Variants in CTNNA3 observed in about 807,000 individuals in gnomAD.
CTNNA3 encodes the protein catenin alpha 3.
Under a neutral mutation model 95.7 loss-of-function variants are expected in CTNNA3, and 76 were observed. That is an observed-to-expected ratio of 0.79 (90% CI 0.66 to 0.96). The LOEUF (loss-of-function observed/expected upper bound fraction) is 0.96, where lower values mean the gene tolerates loss of function less well. Ranked by LOEUF, CTNNA3 falls within the 40% of genes least tolerant of loss-of-function variation. The probability of loss-of-function intolerance (pLI) is 0.00; values close to 1 mark genes in which losing one functional copy is unlikely to be tolerated. For synonymous variants in CTNNA3, 431 were observed against 374.4 expected (o/e 1.15, Z -1.74); for missense variants, 1,191 against 1,089.8 (o/e 1.09, Z -1.31).
intron 7 of CTNNA3, among the ~76,000 whole-genome samples, chr10:66,937,599 G>A (rs1374301406): frequency 4.6e-5 from 7 of 152,084 alleles, no homozygotes; most frequent in African/African-American, 9.7e-5. Context: ...ATCTGGGCAC[G>A]TAGTTAATAC....
At chr10:65,951,291 C>T (rs1327049707) in intron 17 of CTNNA3, among the ~76,000 whole-genome samples, 1 of 152,064 alleles carries the variant, frequency 6.6e-6, no homozygotes, top group Non-Finnish European at 1.5e-5. Flanking sequence ...AGAATAAGAT[C>T]AGAGATTCTG....
At chr10:66,207,983 T>C (rs546271453) in intron 13 of CTNNA3, among the ~76,000 whole-genome samples, 9 of 152,236 alleles carry the variant, frequency 5.9e-5, no homozygotes, top group African/African-American at 1.9e-4. Flanking sequence ...GCCACCACAA[T>C]ATTTCTTCCA....
intron 5 of CTNNA3, among the ~76,000 whole-genome samples, chr10:67,327,943 T>C (rs1390828245): frequency 6.6e-6 from 1 of 152,058 alleles, no homozygotes; most frequent in Non-Finnish European, 1.5e-5. Context: ...GCAGGAATGA[T>C]TGCTCAGGCA....
Position 67,232,498 on chromosome 10 carries a change from G to C in CTNNA3, c.580-12628C>G, listed in dbSNP as rs1304956542. On this transcript the variant is annotated intron_variant, in intron 5 of 17. Transcript: ENST00000433211. ...TCACCACCAGACCTGCCCTAAAAGAGCTCCTGAAGGAAGCACTAAACATGG... is the reference window on the plus strand; with the variant it reads ...TCACCACCAGACCTGCCCTAAAAGACCTCCTGAAGGAAGCACTAAACATGG... 3.9e-5 allele frequency among the ~76,000 whole-genome samples: 6 copies of C among 151,986 alleles called. No individual in the cohort carries two copies. The East Asian group carries it at 1.2e-3, about 29-fold the overall frequency.
At chr10:67,529,708 A>C (rs1457069923) in intron 4 of CTNNA3, among the ~76,000 whole-genome samples, 2 of 152,232 alleles carry the variant, frequency 1.3e-5, no homozygotes, top group East Asian at 3.9e-4. Flanking sequence ...TTGAAAAAAA[A>C]ATTTCTTCTT....
intron 7 of CTNNA3, among the ~76,000 whole-genome samples, chr10:66,971,541 T>C (rs1422466186): frequency 2.0e-5 from 3 of 152,206 alleles, no homozygotes; most frequent in Admixed American, 6.5e-5. Flanking sequence ...GTTTTCATCT[T>C]CTTTAAGCCT....
chr10:66,778,556 GA>G (rs1188177643), intron 7 of CTNNA3, among the ~76,000 whole-genome samples: 1 of 152,126 alleles, frequency 6.6e-6, no homozygotes, highest in African/African-American at 2.4e-5. Flanking sequence ...CCTGCTAATG[GA>G]AAAGGGACCA....
intron 7 of CTNNA3, among the ~76,000 whole-genome samples, chr10:67,122,035 T>C (rs1387155279): frequency 6.8e-6 from 1 of 147,964 alleles, no homozygotes; most frequent in Admixed American, 6.7e-5. Context: ...GGCCAACTTG[T>C]TGGCAATTTC....
At chr10:67,683,007 T>C (rs557843825) in intron 1 of CTNNA3, among the ~76,000 whole-genome samples, 3 of 152,338 alleles carry the variant, frequency 2.0e-5, no homozygotes, top group African/African-American at 7.2e-5. Flanking sequence ...CATAACATTA[T>C]GCCTTTTTTT....
At chr10:66,538,625 C>G (rs189195873) in intron 10 of CTNNA3, among the ~76,000 whole-genome samples, 2 of 152,210 alleles carry the variant, frequency 1.3e-5, no homozygotes, top group South Asian at 2.1e-4. Context: ...ACTTTACTGA[C>G]GAACCTTTTA....
rs114255125 is a variant in CTNNA3 at position 66,921,342 on chromosome 10, C to T, written c.1048-145818G>A. 6.5e-3 allele frequency among the ~76,000 whole-genome samples: 993 copies of T among 152,158 alleles called. 7 individuals carry two copies. The highest frequency in any genetic ancestry group is 0.022 in the African/African-American group (917 of 41,496). On this transcript the variant is annotated intron_variant, in intron 7 of 17. Transcript: ENST00000433211. Reference sequence around the variant, plus strand: ...GGTTTCAATATATGGCTTTTGGGGACGGTAAATGAGAACATCCGATCCACA... The same window carrying T: ...GGTTTCAATATATGGCTTTTGGGGATGGTAAATGAGAACATCCGATCCACA...
chr10:66,356,361 T>G (rs2132408459), intron 12 of CTNNA3, among the ~76,000 whole-genome samples: 1 of 152,108 alleles, frequency 6.6e-6, no homozygotes, highest in South Asian at 2.1e-4. Context: ...TCTTCTTTAA[T>G]TTCTTTGACT....
In CTNNA3 at chr10:66,140,656, C is replaced by T. The variant is rs1290729869; in HGVS notation, c.1885-37407G>A. Among the ~76,000 whole-genome samples, 4 of 152,158 alleles carry T rather than the reference C, an allele frequency of 2.6e-5. No individual in the cohort carries two copies. In the East Asian group the frequency reaches 5.8e-4, roughly 22 times the overall value. On this transcript the variant is annotated intron_variant, in intron 13 of 17. Coordinates refer to ENST00000433211, the MANE Select transcript of CTNNA3 (RefSeq NM_013266.4). ...ACATACCTGAATAACTCTTTAGGAA[C>T]ATTCTGTCCTATTCTGCAAATCCCA...
intron 9 of CTNNA3, 35 bp from the exon 10 acceptor site, chr10:66,621,819 A>G: frequency 3.0e-6 from 4 of 1,351,008 alleles, no homozygotes; most frequent in Non-Finnish European, 4.2e-6. Context: ...AAATTATTTT[A>G]GATTAGCAAG....
At chr10:66,754,055 G>A (rs1839271738) in intron 9 of CTNNA3, among the ~76,000 whole-genome samples, 1 of 151,926 alleles carries the variant, frequency 6.6e-6, no homozygotes, top group African/African-American at 2.4e-5. Context: ...GAAATACAAG[G>A]GACCTATAAA....
At chr10:66,250,548 AC>A (rs1286238923) in intron 13 of CTNNA3, among the ~76,000 whole-genome samples, 2 of 152,144 alleles carry the variant, frequency 1.3e-5, no homozygotes, top group African/African-American at 4.8e-5. Flanking sequence ...ATATAATCAC[AC>A]CTACTATGTA....
intron 10 of CTNNA3, among the ~76,000 whole-genome samples, chr10:66,548,350 A>G (rs1272677880): frequency 1.3e-5 from 2 of 152,150 alleles, no homozygotes; most frequent in Admixed American, 1.3e-4. Flanking sequence ...TGGCTAACTC[A>G]CTTATTAAGT....
chr10:67,509,960 T>G (rs1839558116), intron 5 of CTNNA3, among the ~76,000 whole-genome samples: 1 of 152,252 alleles, frequency 6.6e-6, no homozygotes, highest in Admixed American at 6.5e-5. Context: ...GAGCATTTTT[T>G]CATGTGTCTG....
At chr10:66,001,309 A>G (rs2078765581) in intron 15 of CTNNA3, among the ~76,000 whole-genome samples, 1 of 151,786 alleles carries the variant, frequency 6.6e-6, no homozygotes, top group South Asian at 2.1e-4. Context: ...CTACACTGAA[A>G]CTCAGCCATT....
Sources: allele counts gnomAD v4.1 joint callset (sites outside exome capture counted in the v4.1 genomes callset), GRCh38; gene constraint gnomAD v4.1.1; transcripts MANE v1.5; gene names NCBI Gene and HGNC (gene_info 2026-07-23, HGNC 2026-07-21).